The following LRIG1 variants were observed in gnomAD, a reference collection of about 807,000 sequenced individuals.
LRIG1 encodes the protein leucine-rich repeats and immunoglobulin-like domains protein 1.
LRIG1 carries 48 observed loss-of-function variants against 99.2 expected under a neutral mutation model. The ratio of observed to expected loss-of-function variants is 0.48; its 90% CI spans 0.38 to 0.62. The LOEUF (loss-of-function observed/expected upper bound fraction) is 0.62, where lower values mean the gene tolerates loss of function less well. Ranked by LOEUF, LRIG1 falls within the 20% of genes least tolerant of loss-of-function variation. The pLI is 0.00. For missense variants in LRIG1, 1,646 were observed against 1,434.4 expected, an observed-to-expected ratio of 1.15 and a Z score of -2.38; for synonymous variants, 772 against 596.1, an observed-to-expected ratio of 1.29 and a Z score of -4.30.
Position 66,486,304 on chromosome 3 carries a change from G to A in LRIG1, c.218+13886C>T, listed in dbSNP as rs546082961. On this transcript the variant is annotated intron_variant, in intron 1 of 18. Transcript: ENST00000273261. The stretch of plus-strand genomic sequence containing the variant: ...ACAATTATCCCCATTTTACAGAAAA[G>A]GAAACTGAAGTGGAGTAAATTGCCA... 4.6e-5 allele frequency among the ~76,000 whole-genome samples: 7 copies of A among 152,214 alleles called. No homozygotes were observed. The South Asian group carries it at 1.2e-3, about 27-fold the overall frequency.
chr3:66,393,961 A>G, intron 12 of LRIG1, 79 bp downstream of exon 12: 1 of 1,454,576 alleles, frequency 6.9e-7, no homozygotes, highest in Admixed American at 1.9e-5. Flanking sequence ...GATCACAGGA[A>G]TTACTCCCAT....
At position 66,380,055 on chromosome 3, in the gene LRIG1, G is replaced by T. The variant is rs1328244106; in HGVS notation, c.*208C>A. On this transcript the variant is annotated 3_prime_UTR_variant, in exon 19 of 19. Coordinates refer to ENST00000273261, the MANE Select transcript of LRIG1 (RefSeq NM_015541.3). The stretch of plus-strand genomic sequence containing the variant: ...ATCTCTGAAAACTCTTATGTACAAT[G>T]ATATCAAATACTTTTTTTGCCTTTT... 20 of 489,064 alleles carry T rather than the reference G, an allele frequency of 4.1e-5. No homozygotes were observed. Among genetic ancestry groups the T allele is most frequent in the Non-Finnish European group, 7.2e-5 (20 of 275,944 alleles). 30.3% of individuals were successfully genotyped at this position (489,064 alleles called of 1,614,324 possible).
chr3:66,386,549 C>G, intron 12 of LRIG1: 1 of 461,760 alleles, frequency 2.2e-6, no homozygotes. Context: ...AATTAACCCA[C>G]CACTTCTCAG....
chr3:66,392,738 A>AG (rs1701671409), intron 12 of LRIG1, among the ~76,000 whole-genome samples: 1 of 152,174 alleles, frequency 6.6e-6, no homozygotes, highest in South Asian at 2.1e-4. Flanking sequence ...GCTCACCCAG[A>AG]GGGAAAGCCT....
chr3:66,406,122 G>C, intron 8 of LRIG1: 1 of 985,540 alleles, frequency 1.0e-6, no homozygotes, highest in Non-Finnish European at 1.2e-6. Context: ...AGCTGCAGCA[G>C]GAATCAATGC....
chr3:66,389,712 A>G (rs1701541016), intron 12 of LRIG1, among the ~76,000 whole-genome samples: 1 of 152,226 alleles, frequency 6.6e-6, no homozygotes, highest in Non-Finnish European at 1.5e-5. Flanking sequence ...TGCAACAATA[A>G]TAGTTTGTAC....
chr3:66,443,470 T>G (rs1332995250), intron 3 of LRIG1, among the ~76,000 whole-genome samples: 1 of 152,176 alleles, frequency 6.6e-6, no homozygotes, highest in Non-Finnish European at 1.5e-5. Flanking sequence ...GCTGAACATT[T>G]AGGGTGTTAC....
intron 1 of LRIG1, among the ~76,000 whole-genome samples, chr3:66,498,860 G>C (rs1434113916): frequency 6.6e-6 from 1 of 152,166 alleles, no homozygotes; most frequent in African/African-American, 2.4e-5. Context: ...AGAGGTACAG[G>C]ATCTTTACAT....
At chr3:66,414,583 A>C (rs1702566068) in intron 5 of LRIG1, among the ~76,000 whole-genome samples, 1 of 152,146 alleles carries the variant, frequency 6.6e-6, no homozygotes. Context: ...ATCTTAAAAA[A>C]ATACAGAAAA....
chr3:66,494,800 T>C lies in LRIG1; in HGVS notation c.218+5390A>G, dbSNP rs1701191502. Among the ~76,000 whole-genome samples, 4 of 152,214 alleles carry C rather than the reference T, an allele frequency of 2.6e-5. No individual in the cohort carries two copies. The South Asian group carries it at 8.3e-4, about 32-fold the overall frequency. ...AGACCATCAATAAACTGCAAATTTT[T>C]TCTGCAATCTTTATTGATCCATTCA... On this transcript the variant is annotated intron_variant, in intron 1 of 18. Coordinates refer to ENST00000273261, the MANE Select transcript of LRIG1 (RefSeq NM_015541.3).
chr3:66,392,521 G>GT (rs1235920310), intron 12 of LRIG1, among the ~76,000 whole-genome samples: 1 of 151,758 alleles, frequency 6.6e-6, no homozygotes, highest in African/African-American at 2.4e-5. Context: ...TAAAAAAGGA[G>GT]TGGGAGACTC....
chr3:66,405,858 C>T, intron 8 of LRIG1: 18 of 1,102,964 alleles, frequency 1.6e-5, no homozygotes, highest in Non-Finnish European at 2.0e-5. Flanking sequence ...TTGTGACCCA[C>T]TCGCCAGGAT....
intron 1 of LRIG1, among the ~76,000 whole-genome samples, chr3:66,477,012 G>A (rs12633269): frequency 1.3e-5 from 2 of 152,188 alleles, no homozygotes; most frequent in African/African-American, 2.4e-5. Flanking sequence ...CTTTAAATAC[G>A]TCTGTTGAGT....
intron 1 of LRIG1, among the ~76,000 whole-genome samples, chr3:66,473,337 A>T (rs938879876): frequency 1.3e-5 from 2 of 152,196 alleles, no homozygotes; most frequent in African/African-American, 4.8e-5. Flanking sequence ...GGAAGCCAGA[A>T]GTTCCCCAGA....
At chr3:66,454,264 A>C (rs1330262155) in intron 2 of LRIG1, among the ~76,000 whole-genome samples, 1 of 152,200 alleles carries the variant, frequency 6.6e-6, no homozygotes, top group African/African-American at 2.4e-5. Context: ...TCCCCTGTTG[A>C]AACAAGAATA....
chr3:66,433,176 C>T (rs981811637), intron 3 of LRIG1, among the ~76,000 whole-genome samples: 3 of 152,194 alleles, frequency 2.0e-5, no homozygotes, highest in African/African-American at 7.2e-5. Context: ...TCATTGCTTA[C>T]CACCACGCCA....
chr3:66,385,354 G>T (rs952735841), intron 13 of LRIG1, among the ~76,000 whole-genome samples: 2 of 152,194 alleles, frequency 1.3e-5, no homozygotes, highest in Non-Finnish European at 2.9e-5. Context: ...GCTTCCCCAG[G>T]CTAAGGGGTA....
rs574895454 is a variant in LRIG1 at position 66,385,223 on chromosome 3, G to T, written c.1789+758C>A. On this transcript the variant is annotated intron_variant, in intron 13 of 18. Coordinates refer to ENST00000273261, the MANE Select transcript of LRIG1 (RefSeq NM_015541.3). Reference sequence around the variant, plus strand: ...AAGGCTGGTTAATGAGTAAAAACCTGTCAACTGCCAGGACACTGTGTCTTT... The same window carrying T: ...AAGGCTGGTTAATGAGTAAAAACCTTTCAACTGCCAGGACACTGTGTCTTT... Among the ~76,000 whole-genome samples, 3 of 152,148 alleles carry T rather than the reference G, an allele frequency of 2.0e-5. No individual in the cohort carries two copies. In the South Asian group the frequency reaches 6.2e-4, roughly 32 times the overall value.
chr3:66,495,231 A>G (rs1327622413), intron 1 of LRIG1, among the ~76,000 whole-genome samples: 1 of 152,202 alleles, frequency 6.6e-6, no homozygotes, highest in African/African-American at 2.4e-5. Flanking sequence ...GCTGGTAAAC[A>G]CTGGAGATTT....
Sources: gnomAD v4.1 joint callset for allele counts (sites outside exome capture counted in the v4.1 genomes callset) on GRCh38, gnomAD v4.1.1 for gene constraint, MANE v1.5 for transcripts, NCBI Gene and HGNC (gene_info 2026-07-23, HGNC 2026-07-21) for gene names.